The following CHMP4B variants were observed in gnomAD, a reference collection of about 807,000 sequenced individuals.
CHMP4B encodes the protein SNF7 homolog associated with Alix 1.
CHMP4B carries 1 observed loss-of-function variant against 25.1 expected under a neutral mutation model. That is an observed-to-expected ratio of 0.04 (90% CI 0.01 to 0.19). The LOEUF (loss-of-function observed/expected upper bound fraction) is 0.19. Among genes scored for constraint, CHMP4B ranks in the 10% least tolerant of loss-of-function variants. The probability of loss-of-function intolerance (pLI) is 1.00; values close to 1 mark genes in which losing one functional copy is unlikely to be tolerated. For synonymous variants in CHMP4B, 101 were observed against 115.6 expected (o/e 0.87, Z 0.81); for missense variants, 151 against 289.7 (o/e 0.52, Z 3.48).
intron 2 of CHMP4B, among the ~76,000 whole-genome samples, chr20:33,849,512 C>T (rs1332482174): frequency 6.6e-6 from 1 of 152,108 alleles, no homozygotes; most frequent in Non-Finnish European, 1.5e-5. Flanking sequence ...GCAGGAGAAT[C>T]GTTTGAACCC....
intron 1 of CHMP4B, among the ~76,000 whole-genome samples, chr20:33,812,828 C>T (rs1282700421): frequency 6.6e-6 from 1 of 152,204 alleles, no homozygotes; most frequent in African/African-American, 2.4e-5. Flanking sequence ...AATAGGAGAA[C>T]AAAATAGCCT....
chr20:33,851,544 G>A (rs78275913), intron 3 of CHMP4B, among the ~76,000 whole-genome samples: 3,116 of 152,130 alleles, frequency 0.02, 113 homozygotes, highest in African/African-American at 0.072. Context: ...GGTTTTTAAA[G>A]TATGGTACCA....
rs1455548404 is a variant in CHMP4B at position 33,850,937 on chromosome 20, C to T, written c.369-15C>T. On this transcript the variant is annotated splice_polypyrimidine_tract_variant and intron_variant, in intron 2 of 4. Transcript: ENST00000217402. Reference sequence around the variant, plus strand: ...CCTAATCGATTGATATGATACCTGTCCATTGCATTTGAAGGGACATCGATA... The same window carrying T: ...CCTAATCGATTGATATGATACCTGTTCATTGCATTTGAAGGGACATCGATA... The T allele has an allele frequency of 5.8e-6, 9 of 1,563,882 alleles. No individual in the cohort carries two copies. Among genetic ancestry groups the T allele is most frequent in the Non-Finnish European group, 7.1e-6 (8 of 1,134,634 alleles).
At position 33,824,814 on chromosome 20, in the gene CHMP4B, C is replaced by T. The variant is rs149420613; in HGVS notation, c.190+13156C>T. 4.1e-3 allele frequency among the ~76,000 whole-genome samples: 605 copies of T among 147,722 alleles called. 4 individuals carry two copies. The highest frequency in any genetic ancestry group is 7.3e-3 in the Non-Finnish European group (492 of 67,378). ...CCAGTTGTGACAACAAAAATGTCTC[C>T]AGATATTGCTGAATGTCCCCAAAAG... On this transcript the variant is annotated intron_variant, in intron 1 of 4. Transcript: ENST00000217402.
At chr20:33,817,550 GA>G (rs1332451413) in intron 1 of CHMP4B, among the ~76,000 whole-genome samples, 1 of 151,652 alleles carries the variant, frequency 6.6e-6, no homozygotes, top group African/African-American at 2.4e-5. Flanking sequence ...AGCATCCTAT[GA>G]AGATGTGTGC....
At chr20:33,833,030 C>T (rs1294924639) in intron 1 of CHMP4B, among the ~76,000 whole-genome samples, 2 of 151,842 alleles carry the variant, frequency 1.3e-5, no homozygotes, top group Non-Finnish European at 2.9e-5. Context: ...CTCAAGCGAA[C>T]CTCCTGCTTT....
At chr20:33,849,589 C>T (rs1313196318) in intron 2 of CHMP4B, among the ~76,000 whole-genome samples, 1 of 152,012 alleles carries the variant, frequency 6.6e-6, no homozygotes, top group African/African-American at 2.4e-5. Flanking sequence ...CAGAGTGAGA[C>T]TCTATCTCAA....
At chr20:33,852,259 G>T in intron 4 of CHMP4B, 56 bp downstream of exon 4, 1 of 1,609,332 alleles carries the variant, frequency 6.2e-7, no homozygotes, top group Non-Finnish European at 8.5e-7. Flanking sequence ...GTGATCTTGT[G>T]GTCGGTTGGC....
At chr20:33,839,354 C>T (rs984455800) in intron 1 of CHMP4B, among the ~76,000 whole-genome samples, 2 of 152,114 alleles carry the variant, frequency 1.3e-5, no homozygotes, top group Non-Finnish European at 2.9e-5. Flanking sequence ...GGAGGTTCCA[C>T]CCTGGAGGAG....
intron 1 of CHMP4B, among the ~76,000 whole-genome samples, chr20:33,819,505 C>T (rs1423509539): frequency 6.6e-6 from 1 of 152,202 alleles, no homozygotes; most frequent in East Asian, 1.9e-4. Context: ...AAGTTCTTAA[C>T]AAGAGCATCT....
At chr20:33,818,821 A>C (rs181277258) in intron 1 of CHMP4B, among the ~76,000 whole-genome samples, 2 of 152,336 alleles carry the variant, frequency 1.3e-5, no homozygotes, top group Middle Eastern at 3.4e-3. Context: ...CAGCCATTCT[A>C]CATTTCATTG....
intron 1 of CHMP4B, among the ~76,000 whole-genome samples, chr20:33,829,793 G>A (rs1979190621): frequency 6.6e-6 from 1 of 152,186 alleles, no homozygotes; most frequent in Non-Finnish European, 1.5e-5. Flanking sequence ...AGTGCCTAAT[G>A]TAGGGTCAGC....
intron 1 of CHMP4B, among the ~76,000 whole-genome samples, chr20:33,826,050 C>T (rs2122790251): frequency 6.6e-6 from 1 of 152,266 alleles, no homozygotes; most frequent in Non-Finnish European, 1.5e-5. Context: ...TGGTGTGGGT[C>T]ATAGTTCTTA....
intron 1 of CHMP4B, among the ~76,000 whole-genome samples, chr20:33,824,166 C>G (rs550592449): frequency 2.6e-5 from 4 of 152,110 alleles, no homozygotes; most frequent in Non-Finnish European, 5.9e-5. Context: ...CTCAGAGAAG[C>G]CTTATGTAGG....
At chr20:33,841,403 G>C (rs1030813799) in intron 1 of CHMP4B, among the ~76,000 whole-genome samples, 3 of 152,234 alleles carry the variant, frequency 2.0e-5, no homozygotes, top group Admixed American at 2.0e-4. Context: ...CTCTCCAGCT[G>C]TGTGGGAATA....
chr20:33,850,299 G>A lies in CHMP4B; in HGVS notation c.369-653G>A, dbSNP rs148936865. On this transcript the variant is annotated intron_variant, in intron 2 of 4. Transcript: ENST00000217402. The stretch of plus-strand genomic sequence containing the variant: ...TTCAAATAAGTGAGGTTTTGTCTGA[G>A]GGTGGATGTTCATTGGACCGAGCTG... Among the ~76,000 whole-genome samples, 1,152 of 152,304 alleles carry A rather than the reference G, an allele frequency of 7.6e-3. 13 individuals are homozygous for A. Among genetic ancestry groups the A allele is most frequent in the African/African-American group, 0.026 (1,095 of 41,564 alleles).
At chr20:33,848,792 G>A (rs577156931) in intron 2 of CHMP4B, 148 bp downstream of exon 2, 5 of 793,570 alleles carry the variant, frequency 6.3e-6, no homozygotes, top group Admixed American at 2.2e-5. Flanking sequence ...TTGGAACTCC[G>A]AAAATGGATG....
rs917451771 is a variant in CHMP4B at position 33,811,350 on chromosome 20, A to C, written c.-119A>C. On this transcript the variant is annotated 5_prime_UTR_variant, in exon 1 of 5. Transcript: ENST00000217402. ...TGCGGGGCGGAGGCGGAGGCGGAGGAGAGGCCTGCGGCGGCAGGGAGCGGC... is the reference window on the plus strand; with the variant it reads ...TGCGGGGCGGAGGCGGAGGCGGAGGCGAGGCCTGCGGCGGCAGGGAGCGGC... 5 of 817,540 alleles carry C rather than the reference A, an allele frequency of 6.1e-6. No individual in the cohort carries two copies. In the African/African-American group the frequency reaches 9.2e-5, roughly 15 times the overall value. The allele number at this position is 817,540 out of a possible 1,614,324, so 50.6% of individuals were successfully genotyped here.
intron 1 of CHMP4B, 39 bp downstream of exon 1, chr20:33,811,697 C>T (rs775750711): frequency 2.5e-6 from 4 of 1,591,306 alleles, no homozygotes; most frequent in East Asian, 2.3e-5. Flanking sequence ...CCACGGGCTC[C>T]CCCCAGGCTC....
Sources: allele counts gnomAD v4.1 joint callset (sites outside exome capture counted in the v4.1 genomes callset), GRCh38; gene constraint gnomAD v4.1.1; transcripts MANE v1.5; gene names NCBI Gene and HGNC (gene_info 2026-07-23, HGNC 2026-07-21).